Variants in LRRTM4 observed in about 807,000 individuals in gnomAD.
The protein encoded by LRRTM4 is leucine rich repeat transmembrane neuronal 4.
In LRRTM4, 25 loss-of-function variants were observed where a neutral mutation model predicts 47.6. The observed-to-expected ratio is 0.53, with a 90% CI of 0.38 to 0.73. The LOEUF is 0.73. LRRTM4 is among the 30% of genes least tolerant of loss of function. LRRTM4 has a pLI of 0.00. For synonymous variants in LRRTM4, 311 were observed against 269.5 expected (o/e 1.15, Z -1.51); for missense variants, 638 against 713.4 (o/e 0.89, Z 1.20).
intron 3 of LRRTM4, among the ~76,000 whole-genome samples, chr2:77,332,534 C>T (rs1558692237): frequency 6.6e-6 from 1 of 152,044 alleles, no homozygotes; most frequent in Non-Finnish European, 1.5e-5. Context: ...AAATCAGATA[C>T]CCAATTCCAT....
At position 76,798,985 on chromosome 2, in the gene LRRTM4, G is replaced by T. The variant is rs1222184802; in HGVS notation, c.1552-50069C>A. ...TAGCTTACCAACCAAAAAGAGTCCA[G>T]GACCAGATGGATTCACAGCCGAATT... is the stretch of plus-strand genomic sequence containing the variant. On this transcript the variant is annotated intron_variant, in intron 3 of 3. Transcript: ENST00000409884. 7.3e-5 allele frequency among the ~76,000 whole-genome samples: 11 copies of T among 150,824 alleles called. No individual in the cohort carries two copies. In the South Asian group the frequency reaches 2.1e-3, roughly 29 times the overall value.
At chr2:77,229,458 A>G (rs2103967276) in intron 3 of LRRTM4, among the ~76,000 whole-genome samples, 1 of 152,292 alleles carries the variant, frequency 6.6e-6, no homozygotes, top group Non-Finnish European at 1.5e-5. Context: ...CAACTTTAAT[A>G]AATCCAAATT....
At chr2:76,908,639 GC>G (rs1225518466) in intron 3 of LRRTM4, among the ~76,000 whole-genome samples, 1 of 152,174 alleles carries the variant, frequency 6.6e-6, no homozygotes, top group African/African-American at 2.4e-5. Context: ...AGCAACTTCA[GC>G]AAAGTTTCAG....
intron 3 of LRRTM4, among the ~76,000 whole-genome samples, chr2:76,834,299 C>T (rs979361654): frequency 1.3e-5 from 2 of 151,710 alleles, no homozygotes; most frequent in African/African-American, 4.8e-5. Context: ...GATCTGCCTG[C>T]CTCGTCCTCC....
intron 3 of LRRTM4, among the ~76,000 whole-genome samples, chr2:77,166,401 A>G (rs909023513): frequency 6.6e-6 from 1 of 152,212 alleles, no homozygotes; most frequent in Non-Finnish European, 1.5e-5. Flanking sequence ...TATAGATTCA[A>G]TGTCATCCCC....
chr2:76,994,024 C>T (rs373723142), intron 3 of LRRTM4, among the ~76,000 whole-genome samples: 2 of 151,896 alleles, frequency 1.3e-5, no homozygotes, highest in African/African-American at 4.8e-5. Context: ...CCAAACACCA[C>T]ATGTTATCAC....
intron 3 of LRRTM4, among the ~76,000 whole-genome samples, chr2:76,932,123 A>T (rs1007435261): frequency 6.6e-6 from 1 of 151,966 alleles, no homozygotes; most frequent in Non-Finnish European, 1.5e-5. Flanking sequence ...TGTATTGTTT[A>T]TTGGATGAGG....
intron 3 of LRRTM4, among the ~76,000 whole-genome samples, chr2:77,031,663 C>T (rs1475661519): frequency 6.6e-6 from 1 of 152,228 alleles, no homozygotes; most frequent in East Asian, 1.9e-4. Context: ...AAAATGTCAC[C>T]TATGTCTGAT....
intron 3 of LRRTM4, among the ~76,000 whole-genome samples, chr2:77,345,474 G>C (rs1671527999): frequency 2.6e-5 from 4 of 151,746 alleles, no homozygotes; most frequent in Admixed American, 2.6e-4. Flanking sequence ...AGTCCAACAG[G>C]AAAAAATAGA....
At position 76,786,831 on chromosome 2, in the gene LRRTM4, T is replaced by G. The variant is rs1200189894; in HGVS notation, c.1552-37915A>C. On this transcript the variant is annotated intron_variant, in intron 3 of 3. Transcript: ENST00000409884. ...TAAAGAATACAGAAGGAACTGGAAT[T>G]TCATATTGCTTTCCTTGCTGTTTCT... is the stretch of plus-strand genomic sequence containing the variant. 2.0e-5 allele frequency among the ~76,000 whole-genome samples: 3 copies of G among 151,416 alleles called. No homozygotes were observed. The East Asian group carries it at 5.8e-4, about 29-fold the overall frequency.
In LRRTM4 at chr2:77,519,889, T is replaced by C. The variant is rs1216801541; in HGVS notation, c.5-25A>G. 2 of 1,533,622 alleles carry C rather than the reference T, an allele frequency of 1.3e-6. No individual in the cohort carries two copies. Among genetic ancestry groups the C allele is most frequent in the Non-Finnish European group, 1.8e-6 (2 of 1,140,020 alleles). Reference sequence around the variant, plus strand: ...CCTACGATATTAAAAAAAAGACAGATGCACATTGTGAAGCTATTAAAATAA... The same window carrying C: ...CCTACGATATTAAAAAAAAGACAGACGCACATTGTGAAGCTATTAAAATAA... On this transcript the variant is annotated intron_variant, in intron 2 of 3. Transcript: ENST00000409884. This position sits in a 1 kb window ranked among gnomAD's most constrained non-coding sequence, Gnocchi z 4.6.
At chr2:77,303,240 A>G (rs1192460738) in intron 3 of LRRTM4, among the ~76,000 whole-genome samples, 1 of 152,044 alleles carries the variant, frequency 6.6e-6, no homozygotes, top group Non-Finnish European at 1.5e-5. Flanking sequence ...CAGCCTGGGC[A>G]ACAAGAGCGA....
chr2:77,286,115 G>T (rs940567635), intron 3 of LRRTM4, among the ~76,000 whole-genome samples: 1 of 151,978 alleles, frequency 6.6e-6, no homozygotes, highest in African/African-American at 2.4e-5. Context: ...GGCAAAATTG[G>T]ATGTTTCCTG....
intron 3 of LRRTM4, among the ~76,000 whole-genome samples, chr2:77,298,041 AAG>A (rs1677021261): frequency 6.6e-6 from 1 of 152,170 alleles, no homozygotes; most frequent in South Asian, 2.1e-4. Flanking sequence ...AAGAAACTAA[AAG>A]AGAGAGAGAG....
intron 3 of LRRTM4, among the ~76,000 whole-genome samples, chr2:77,473,567 G>A (rs1677271555): frequency 6.6e-6 from 1 of 152,100 alleles, no homozygotes; most frequent in African/African-American, 2.4e-5. Flanking sequence ...TGACCCAGTT[G>A]CAGCTTGACA....
chr2:77,370,706 G>A (rs1672626174), intron 3 of LRRTM4, among the ~76,000 whole-genome samples: 2 of 151,698 alleles, frequency 1.3e-5, no homozygotes, highest in African/African-American at 4.8e-5. Flanking sequence ...ATGGAGCAGA[G>A]AACATTGGCT....
At position 77,048,427 on chromosome 2, in the gene LRRTM4, A is replaced by G. The variant is rs561328463; in HGVS notation, c.1552-299511T>C. ...ATAGATCAACTTTTATAAATAAGCAATAAAGTCAATTTGTGTTACAGCTTC... is the reference window on the plus strand; with the variant it reads ...ATAGATCAACTTTTATAAATAAGCAGTAAAGTCAATTTGTGTTACAGCTTC... On this transcript the variant is annotated intron_variant, in intron 3 of 3. Transcript: ENST00000409884. Among the ~76,000 whole-genome samples, 5 of 152,186 alleles carry G rather than the reference A, an allele frequency of 3.3e-5. No homozygotes were observed. In the South Asian group the frequency reaches 1.0e-3, roughly 32 times the overall value.
intron 3 of LRRTM4, among the ~76,000 whole-genome samples, chr2:77,155,621 T>A (rs941654749): frequency 1.3e-5 from 2 of 151,766 alleles, no homozygotes; most frequent in Non-Finnish European, 2.9e-5. Flanking sequence ...GAGCAGGGTG[T>A]GGGGGAGAAA....
intron 3 of LRRTM4, among the ~76,000 whole-genome samples, chr2:76,924,224 A>T (rs532159381): frequency 6.6e-6 from 1 of 152,214 alleles, no homozygotes; most frequent in East Asian, 1.9e-4. Context: ...TAAAGCAAAA[A>T]ATATATATAA....
Sources: gnomAD v4.1 joint callset for allele counts (sites outside exome capture counted in the v4.1 genomes callset) on GRCh38, gnomAD v4.1.1 for gene constraint, Gnocchi (gnomAD v3.1) non-coding constraint, MANE v1.5 for transcripts, NCBI Gene and HGNC (gene_info 2026-07-23, HGNC 2026-07-21) for gene names.